The following ARL17B variants were observed in gnomAD, a reference collection of about 807,000 sequenced individuals.
ARL17B encodes ARF like GTPase 17B, also known as ADP-ribosylation factor-like protein 17.
chr17:46,350,834 C>G (rs1161989388), intron 3 of ARL17B, among the ~76,000 whole-genome samples: 1 of 41,268 alleles, frequency 2.4e-5, no homozygotes. Flanking sequence ...TGCCACTGCA[C>G]GAGACCCTGT....
chr17:46,284,805 T>C (rs544475753), intron 4 of ARL17B, among the ~76,000 whole-genome samples: 30 of 152,360 alleles, frequency 2.0e-4, no homozygotes, highest in Admixed American at 2.6e-4. Context: ...CTTTTTAGTT[T>C]CTTCAATTCT....
intron 4 of ARL17B, among the ~76,000 whole-genome samples, chr17:46,277,653 C>CTT (rs1555610981): frequency 1.5e-5 from 2 of 137,864 alleles, no homozygotes; most frequent in African/African-American, 5.2e-5. Flanking sequence ...TTCTTTCTTT[C>CTT]TTTTTTTTTT....
intron 4 of ARL17B, among the ~76,000 whole-genome samples, chr17:46,282,271 T>G (rs113677355): frequency 0.047 from 6,216 of 132,074 alleles, no homozygotes; most frequent in Non-Finnish European, 0.075. Context: ...CCCGCCTAAT[T>G]TTTTGTTATT....
At chr17:46,312,774 C>T (rs2050870182) in intron 3 of ARL17B, among the ~76,000 whole-genome samples, 1 of 53,024 alleles carries the variant, frequency 1.9e-5, no homozygotes, top group Non-Finnish European at 3.5e-5. Flanking sequence ...CTTAACCAGT[C>T]ATGTAGCACT....
intron 4 of ARL17B, chr17:46,293,021 C>T (rs2143483699): frequency 2.0e-5 from 1 of 50,366 alleles, no homozygotes; most frequent in East Asian, 3.2e-4. Context: ...TGGTATGATC[C>T]CAGCTCATTG....
intron 3 of ARL17B, among the ~76,000 whole-genome samples, chr17:46,340,207 T>A (rs1478701796): frequency 4.8e-5 from 4 of 83,210 alleles, no homozygotes; most frequent in Non-Finnish European, 1.4e-4. Context: ...GTTTTGTTTG[T>A]TTTTTTTTCT....
intron 4 of ARL17B, among the ~76,000 whole-genome samples, chr17:46,287,077 T>C (rs1487668625): frequency 1.3e-5 from 2 of 152,232 alleles, no homozygotes; most frequent in Non-Finnish European, 2.9e-5. Flanking sequence ...CTTCCTGCTA[T>C]GAGTCAGCTA....
At chr17:46,290,741 C>T (rs2050044597) in intron 4 of ARL17B, among the ~76,000 whole-genome samples, 1 of 152,240 alleles carries the variant, frequency 6.6e-6, no homozygotes, top group Admixed American at 6.5e-5. Context: ...GCCATTGCGC[C>T]CAGCCTCTGA....
At chr17:46,275,438 G>A (rs2049559583) in intron 4 of ARL17B, 1 of 895,892 alleles carries the variant, frequency 1.1e-6, no homozygotes, top group Non-Finnish European at 1.7e-6. Context: ...ATAGAAAAAG[G>A]GAACAATTGA....
chr17:46,289,369 T>C (rs62073174), intron 4 of ARL17B, among the ~76,000 whole-genome samples: 4 of 150,512 alleles, frequency 2.7e-5, no homozygotes, highest in African/African-American at 4.8e-5. Context: ...AGATGGAGTC[T>C]TGCTGTGTTG....
chr17:46,302,490 A>G (rs1195096847), intron 3 of ARL17B: 24 of 177,614 alleles, frequency 1.4e-4, no homozygotes, highest in South Asian at 8.4e-4. Flanking sequence ...AAAGGAAAAT[A>G]TAAGAAAAGG....
intron 3 of ARL17B, among the ~76,000 whole-genome samples, chr17:46,325,542 G>A (rs1598165429): frequency 1.2e-5 from 1 of 81,772 alleles, no homozygotes. Flanking sequence ...GATTGAAGGA[G>A]ACTAAAGAAT....
chr17:46,288,831 G>A (rs987037721), intron 4 of ARL17B, among the ~76,000 whole-genome samples: 18 of 151,118 alleles, frequency 1.2e-4, no homozygotes, highest in African/African-American at 4.1e-4. Context: ...AGCCTCCCAA[G>A]TACCTAGGAC....
At chr17:46,282,048 G>A (rs573644289) in intron 4 of ARL17B, among the ~76,000 whole-genome samples, 1 of 151,946 alleles carries the variant, frequency 6.6e-6, no homozygotes, top group Non-Finnish European at 1.5e-5. Context: ...TAATTCCTTT[G>A]CTGAGAATAA....
chr17:46,340,847 A>G lies in ARL17B; in HGVS notation c.260-1073T>C, dbSNP rs1467077638. Among the ~76,000 whole-genome samples, 21 of 78,426 alleles carry G rather than the reference A, an allele frequency of 2.7e-4. 7 individuals are homozygous for G. The highest frequency in any genetic ancestry group is 7.1e-4 in the African/African-American group (19 of 26,732). 51.5% of individuals were successfully genotyped at this position (78,426 alleles called of 152,430 possible). On this transcript the variant is annotated intron_variant, in intron 3 of 3. Coordinates refer to ENST00000450673, the MANE Select transcript of ARL17B (RefSeq NM_001039083.5). ...ATGAGTCACTGTGCCCCGCCAGGAA[A>G]TTCAGTTTCTGAAAATACACCTGTG...
exon 5 of ARL17B, chr17:46,275,184 A>G (rs2049553844): frequency 3.2e-6 from 1 of 317,118 alleles, no homozygotes; most frequent in Non-Finnish European, 5.6e-6. Flanking sequence ...GAGCCACCGC[A>G]CCTGGCAACT....
intron 3 of ARL17B, among the ~76,000 whole-genome samples, chr17:46,321,355 C>CAAA (rs1426399587): frequency 8.3e-5 from 2 of 24,016 alleles, no homozygotes; most frequent in Admixed American, 7.1e-4. Flanking sequence ...GACTCCGTCT[C>CAAA]AGAAAAAAAA....
chr17:46,275,685 T>A (rs1197222400), intron 4 of ARL17B, among the ~76,000 whole-genome samples: 1 of 152,244 alleles, frequency 6.6e-6, no homozygotes, highest in Admixed American at 6.5e-5. Context: ...TTACAACATT[T>A]TCAGGCAACT....
chr17:46,278,741 C>T (rs1457585744), intron 4 of ARL17B, among the ~76,000 whole-genome samples: 1 of 152,130 alleles, frequency 6.6e-6, no homozygotes, highest in African/African-American at 2.4e-5. Context: ...AAAATTATAT[C>T]ATTCCATGCT....
Sources: allele counts gnomAD v4.1 joint callset (sites outside exome capture counted in the v4.1 genomes callset), GRCh38; gene constraint gnomAD v4.1.1; transcripts MANE v1.5; gene names NCBI Gene and HGNC (gene_info 2026-07-23, HGNC 2026-07-21).